Variants in RAD51B observed in about 807,000 individuals in gnomAD.
RAD51B encodes RAD51 paralog B.
Under a neutral mutation model 42.2 loss-of-function variants are expected in RAD51B, and 38 were observed. That is an observed-to-expected ratio of 0.90 (90% CI 0.70 to 1.18). RAD51B has a LOEUF of 1.18. Among genes scored for constraint, RAD51B ranks in the 50% most tolerant of loss-of-function variants. The probability of loss-of-function intolerance (pLI) is 0.00; values close to 1 mark genes in which losing one functional copy is unlikely to be tolerated. For missense variants in RAD51B, 373 were observed against 400.7 expected (o/e 0.93, Z 0.59); for synonymous variants, 154 against 145.2 (o/e 1.06, Z -0.43).
intron 7 of RAD51B, among the ~76,000 whole-genome samples, chr14:68,220,385 C>T (rs765135921): frequency 6.6e-5 from 10 of 152,232 alleles, no homozygotes; most frequent in Admixed American, 2.0e-4. Context: ...CCTCAAGAGA[C>T]ACAGAAAAAG....
intron 11 of RAD51B, among the ~76,000 whole-genome samples, chr14:68,664,803 A>G (rs1310251141): frequency 6.6e-6 from 1 of 152,058 alleles, no homozygotes; most frequent in Non-Finnish European, 1.5e-5. Flanking sequence ...GTGCCCTCTT[A>G]TCCTCTATCT....
At chr14:68,386,079 T>G (rs1453574132) in intron 8 of RAD51B, among the ~76,000 whole-genome samples, 3 of 152,210 alleles carry the variant, frequency 2.0e-5, no homozygotes, top group African/African-American at 7.2e-5. Flanking sequence ...CTGTGGGTTC[T>G]CAAATGTGAT....
chr14:68,477,507 G>A (rs559656741), intron 10 of RAD51B, 141 bp from the exon 11 acceptor site: 45 of 1,025,442 alleles, frequency 4.4e-5, no homozygotes, highest in Non-Finnish European at 6.3e-5. Flanking sequence ...TGGTTTGCAA[G>A]GCCAGTGGCT....
chr14:68,522,490 G>A (rs1473284605), intron 10 of RAD51B, among the ~76,000 whole-genome samples: 1 of 152,122 alleles, frequency 6.6e-6, no homozygotes, highest in Non-Finnish European at 1.5e-5. Flanking sequence ...CTCTGGAATG[G>A]AGCCGCTGGA....
At chr14:68,177,437 G>A (rs2078983021) in intron 7 of RAD51B, among the ~76,000 whole-genome samples, 1 of 152,132 alleles carries the variant, frequency 6.6e-6, no homozygotes, top group Non-Finnish European at 1.5e-5. Flanking sequence ...ATGCTTTACT[G>A]ATTTCCATCT....
At position 68,142,141 on chromosome 14, in the gene RAD51B, G is replaced by GT. The variant is rs146628652; in HGVS notation, c.757-149733dup. Among the ~76,000 whole-genome samples the GT allele has an allele frequency of 7.6e-4, 113 of 148,532 alleles. 1 individual carries two copies. Among genetic ancestry groups the GT allele is most frequent in the Admixed American group, 4.1e-3 (61 of 14,904 alleles). ...TTTAACTTTTACTAGTTAATGAAGT[G>GT]TTTTTTTTTTAAATGTCATATGACA... On this transcript the variant is annotated intron_variant, in intron 7 of 10. Coordinates refer to ENST00000471583, the MANE Select transcript of RAD51B (RefSeq NM_133510.4).
chr14:68,422,160 C>T lies in RAD51B; in HGVS notation c.957+10633C>T, dbSNP rs543900318. Reference sequence around the variant, plus strand: ...GAGACATGGCCCAAGGGCTCGCTGTCGACGGCAAATTCAAAGAACATGGTG... The same window carrying T: ...GAGACATGGCCCAAGGGCTCGCTGTTGACGGCAAATTCAAAGAACATGGTG... On this transcript the variant is annotated intron_variant, in intron 9 of 10. Transcript: ENST00000471583. The T allele has an allele frequency of 1.4e-4, 178 of 1,308,402 alleles. 1 individual carries two copies. Among genetic ancestry groups the T allele is most frequent in the Admixed American group, 1.3e-3 (76 of 59,466 alleles). 81.0% of individuals were successfully genotyped at this position (1,308,402 alleles called of 1,614,324 possible).
intron 7 of RAD51B, among the ~76,000 whole-genome samples, chr14:68,087,077 G>A (rs2076996678): frequency 6.6e-6 from 1 of 151,684 alleles, no homozygotes; most frequent in Non-Finnish European, 1.5e-5. Flanking sequence ...GGAGGTTGCA[G>A]TGAGCCAAGA....
intron 4 of RAD51B, among the ~76,000 whole-genome samples, chr14:67,843,125 T>C (rs2041486469): frequency 6.6e-6 from 1 of 151,518 alleles, no homozygotes; most frequent in South Asian, 2.1e-4. Flanking sequence ...ATTGACCTGA[T>C]GCTTTCTTTT....
chr14:68,454,751 A>G (rs183257380), intron 9 of RAD51B, among the ~76,000 whole-genome samples: 1 of 152,356 alleles, frequency 6.6e-6, no homozygotes, highest in African/African-American at 2.4e-5. Flanking sequence ...GCATTTGTCA[A>G]AAACAGCCAG....
At chr14:68,669,041 GAA>G (rs1255372063) in intron 11 of RAD51B, among the ~76,000 whole-genome samples, 3 of 152,216 alleles carry the variant, frequency 2.0e-5, no homozygotes. Flanking sequence ...CTAGAGTCCA[GAA>G]AGAGTCTTAC....
At chr14:68,490,340 A>G (rs542513209) in intron 10 of RAD51B, among the ~76,000 whole-genome samples, 3 of 152,358 alleles carry the variant, frequency 2.0e-5, no homozygotes, top group African/African-American at 4.8e-5. Flanking sequence ...TGTCTCTGCC[A>G]TGAAGAACTC....
chr14:68,628,601 A>AGG (rs1392161084), intron 10 of RAD51B, among the ~76,000 whole-genome samples: 1 of 150,584 alleles, frequency 6.6e-6, no homozygotes, highest in Non-Finnish European at 1.5e-5. Context: ...CGAGGGGCGA[A>AGG]GGGGGCTGGG....
intron 7 of RAD51B, among the ~76,000 whole-genome samples, chr14:68,050,372 C>T (rs538673482): frequency 2.6e-5 from 4 of 152,146 alleles, no homozygotes; most frequent in African/African-American, 9.6e-5. Context: ...CTTTCATTTT[C>T]TCCTGACTCA....
intron 10 of RAD51B, among the ~76,000 whole-genome samples, chr14:68,634,855 G>C (rs894801138): frequency 6.6e-6 from 1 of 152,202 alleles, no homozygotes; most frequent in Non-Finnish European, 1.5e-5. Context: ...CAGAGTATGA[G>C]GGAGGAGGAA....
chr14:68,339,075 G>A (rs1300877425), intron 8 of RAD51B: 2 of 679,678 alleles, frequency 2.9e-6, no homozygotes, highest in East Asian at 5.6e-5. Context: ...CACCAGCTGA[G>A]CTTTCTTGTT....
chr14:68,136,355 G>GA (rs2078009832), intron 7 of RAD51B, among the ~76,000 whole-genome samples: 1 of 130,990 alleles, frequency 7.6e-6, no homozygotes, highest in Non-Finnish European at 1.7e-5. Flanking sequence ...GCGGGCGGGT[G>GA]GATCACGAGG....
intron 7 of RAD51B, among the ~76,000 whole-genome samples, chr14:68,275,070 A>G (rs1007881840): frequency 5.3e-5 from 8 of 152,176 alleles, no homozygotes; most frequent in African/African-American, 1.9e-4. Context: ...CTTTTCACCT[A>G]CTGGTTTTAG....
At chr14:68,312,107 ATG>A (rs1287315898) in intron 8 of RAD51B, among the ~76,000 whole-genome samples, 1 of 152,186 alleles carries the variant, frequency 6.6e-6, no homozygotes, top group Non-Finnish European at 1.5e-5. Context: ...CGGGGAAGAA[ATG>A]TGTGTTTTTT....
Sources: gnomAD v4.1 joint callset for allele counts (sites outside exome capture counted in the v4.1 genomes callset) on GRCh38, gnomAD v4.1.1 for gene constraint, MANE v1.5 for transcripts, NCBI Gene and HGNC (gene_info 2026-07-23, HGNC 2026-07-21) for gene names.